The following EXOC4 variants were observed in gnomAD, a reference collection of about 807,000 sequenced individuals.
The protein encoded by EXOC4 is SEC8-like 1.
A neutral mutation model predicts 107.2 loss-of-function variants in EXOC4; 71 were observed. The ratio of observed to expected loss-of-function variants is 0.66; its 90% CI spans 0.55 to 0.81. EXOC4 has a LOEUF of 0.81. EXOC4 is among the 30% of genes least tolerant of loss of function. The probability of loss-of-function intolerance (pLI) is 0.00; values close to 1 mark genes in which losing one functional copy is unlikely to be tolerated. For synonymous variants in EXOC4, 456 were observed against 441.2 expected (o/e 1.03, Z -0.42); for missense variants, 1,108 against 1,189.6 (o/e 0.93, Z 1.01).
chr7:133,791,925 T>G (rs1366057161), intron 10 of EXOC4, among the ~76,000 whole-genome samples: 1 of 152,202 alleles, frequency 6.6e-6, no homozygotes, highest in African/African-American at 2.4e-5. Flanking sequence ...CTTTTATTCT[T>G]ACGTCTAAAG....
intron 6 of EXOC4, among the ~76,000 whole-genome samples, chr7:133,357,140 T>C (rs1469573169): frequency 6.6e-6 from 1 of 152,194 alleles, no homozygotes; most frequent in African/African-American, 2.4e-5. Context: ...ATTGTCGATA[T>C]TTAAACATTT....
In EXOC4 at chr7:134,064,551, C is replaced by CG. The variant is rs1563110454; in HGVS notation, c.*28dup. 1.3e-6 allele frequency: 2 copies of CG among 1,498,008 alleles called. No homozygotes were observed. Among genetic ancestry groups the CG allele is most frequent in the African/African-American group, 2.8e-5 (2 of 71,000 alleles). 92.8% of individuals were successfully genotyped at this position (1,498,008 alleles called of 1,614,324 possible). A position where few individuals can be genotyped will look rare whatever the true frequency, so the allele number is the denominator to read the frequency against. Reference sequence around the variant, plus strand: ...TAGCAGGGCGTACTGCGGTTGGTGACGGGGGTCCCCTCAGTCACACTCACT... The same window carrying CG: ...TAGCAGGGCGTACTGCGGTTGGTGACGGGGGGTCCCCTCAGTCACACTCACT... On this transcript the variant is annotated 3_prime_UTR_variant, in exon 18 of 18. Transcript: ENST00000253861.
intron 17 of EXOC4, among the ~76,000 whole-genome samples, chr7:134,048,623 T>G (rs1795710842): frequency 6.6e-6 from 1 of 152,210 alleles, no homozygotes; most frequent in Non-Finnish European, 1.5e-5. Flanking sequence ...TTATTTCTTA[T>G]GTTCTCACTG....
At chr7:133,681,726 T>A (rs1264684244) in intron 10 of EXOC4, among the ~76,000 whole-genome samples, 1 of 152,030 alleles carries the variant, frequency 6.6e-6, no homozygotes, top group Admixed American at 6.6e-5. Flanking sequence ...GCAAAATGAT[T>A]AGCTTGCATA....
chr7:133,645,200 T>C (rs1802960491), intron 10 of EXOC4, among the ~76,000 whole-genome samples: 1 of 151,488 alleles, frequency 6.6e-6, no homozygotes, highest in South Asian at 2.1e-4. Flanking sequence ...CAAGTGATTC[T>C]CCTGCCTCAG....
At chr7:133,429,443 G>T (rs532752917) in intron 7 of EXOC4, among the ~76,000 whole-genome samples, 2 of 152,076 alleles carry the variant, frequency 1.3e-5, no homozygotes, top group African/African-American at 4.8e-5. Flanking sequence ...AAAGCATTGC[G>T]ATATAATTCA....
chr7:133,591,788 T>C (rs1801553271), intron 9 of EXOC4, among the ~76,000 whole-genome samples: 1 of 152,166 alleles, frequency 6.6e-6, no homozygotes, highest in South Asian at 2.1e-4. Flanking sequence ...CTTGGGTTTG[T>C]GGAACGAATG....
At chr7:133,698,449 G>A (rs1794585473) in intron 10 of EXOC4, among the ~76,000 whole-genome samples, 1 of 151,840 alleles carries the variant, frequency 6.6e-6, no homozygotes. Context: ...GGGTGTAGTG[G>A]CGCCCGCCTT....
intron 9 of EXOC4, among the ~76,000 whole-genome samples, chr7:133,519,879 C>T (rs1048208770): frequency 2.6e-4 from 39 of 152,066 alleles, no homozygotes; most frequent in Non-Finnish European, 2.1e-4. Context: ...AGGATGTAGT[C>T]AGTAAATGGT....
intron 10 of EXOC4, among the ~76,000 whole-genome samples, chr7:133,755,717 T>C (rs1795903050): frequency 6.6e-6 from 1 of 152,150 alleles, no homozygotes; most frequent in Non-Finnish European, 1.5e-5. Flanking sequence ...CCTAGCACAC[T>C]AGGTTCTGTG....
chr7:133,685,802 G>T (rs1794285707), intron 10 of EXOC4, among the ~76,000 whole-genome samples: 1 of 152,064 alleles, frequency 6.6e-6, no homozygotes, highest in Non-Finnish European at 1.5e-5. Context: ...GCGTAGTGGT[G>T]CAGTCTGGTC....
intron 9 of EXOC4, among the ~76,000 whole-genome samples, chr7:133,547,066 A>G (rs1800496062): frequency 6.6e-6 from 1 of 152,166 alleles, no homozygotes; most frequent in African/African-American, 2.4e-5. Flanking sequence ...GCTTTAATCC[A>G]CTAAACTTTA....
intron 17 of EXOC4, among the ~76,000 whole-genome samples, chr7:134,062,623 G>A (rs980967958): frequency 3.3e-5 from 5 of 152,150 alleles, no homozygotes; most frequent in Admixed American, 1.3e-4. Flanking sequence ...TACCTTTCAC[G>A]TCAGAGAGAA....
intron 1 of EXOC4, among the ~76,000 whole-genome samples, chr7:133,270,843 C>T (rs1793851663): frequency 6.6e-6 from 1 of 151,972 alleles, no homozygotes; most frequent in African/African-American, 2.4e-5. Context: ...GTGATAATCC[C>T]ACACTGAAAT....
intron 10 of EXOC4, among the ~76,000 whole-genome samples, chr7:133,665,561 A>AT (rs997561028): frequency 6.6e-5 from 10 of 152,100 alleles, no homozygotes; most frequent in Non-Finnish European, 1.0e-4. Flanking sequence ...GTGGCCTAGG[A>AT]TTTTTTTATA....
At chr7:133,346,001 C>T (rs886117867) in intron 5 of EXOC4, among the ~76,000 whole-genome samples, 2 of 152,334 alleles carry the variant, frequency 1.3e-5, no homozygotes, top group South Asian at 4.1e-4. Flanking sequence ...TTCTATACTC[C>T]AGAGGCAACC....
intron 14 of EXOC4, among the ~76,000 whole-genome samples, chr7:133,954,328 T>A (rs994544575): frequency 1.3e-5 from 2 of 152,234 alleles, no homozygotes; most frequent in African/African-American, 4.8e-5. Context: ...CATCTACAAT[T>A]ATTAACATGA....
chr7:133,890,480 G>C (rs1585226384), intron 11 of EXOC4, among the ~76,000 whole-genome samples: 1 of 135,320 alleles, frequency 7.4e-6, no homozygotes, highest in Non-Finnish European at 1.5e-5. Flanking sequence ...TTGGTGTTTT[G>C]GACATGAAGT....
intron 10 of EXOC4, among the ~76,000 whole-genome samples, chr7:133,633,448 G>A (rs749043787): frequency 4.1e-4 from 62 of 152,198 alleles, no homozygotes; most frequent in Middle Eastern, 3.4e-3. Flanking sequence ...GCTGGGCACG[G>A]TGGCTCACAT....
Sources: allele counts gnomAD v4.1 joint callset (sites outside exome capture counted in the v4.1 genomes callset), GRCh38; gene constraint gnomAD v4.1.1; transcripts MANE v1.5; gene names NCBI Gene and HGNC (gene_info 2026-07-23, HGNC 2026-07-21).